The following CYP39A1 variants were observed in gnomAD, a reference collection of about 807,000 sequenced individuals.
CYP39A1 encodes the protein cytochrome P450 family 39 subfamily A member 1.
A neutral mutation model predicts 58.1 loss-of-function variants in CYP39A1; 49 were observed. That is an observed-to-expected ratio of 0.84 (90% confidence interval 0.67 to 1.07). The LOEUF is 1.07. Ranked by LOEUF, CYP39A1 falls within the 50% of genes least tolerant of loss-of-function variation. The pLI is 0.00. For missense variants in CYP39A1, 531 were observed against 539.4 expected, an observed-to-expected ratio of 0.98 and a Z score of 0.16; for synonymous variants, 209 against 187.6, an observed-to-expected ratio of 1.11 and a Z score of -0.93.
At chr6:46,602,716 A>C (rs34782062) in intron 7 of CYP39A1, among the ~76,000 whole-genome samples, 2 of 150,168 alleles carry the variant, frequency 1.3e-5, no homozygotes, top group African/African-American at 4.9e-5. Flanking sequence ...AAAAAAAAGA[A>C]CCACAGTGCT....
intron 7 of CYP39A1, among the ~76,000 whole-genome samples, chr6:46,616,759 G>A (rs1774635699): frequency 6.6e-6 from 1 of 152,140 alleles, no homozygotes; most frequent in South Asian, 2.1e-4. Context: ...AAACAAGGAT[G>A]AAAGGGCAGA....
chr6:46,631,106 T>A (rs1775633257), intron 5 of CYP39A1, 36 bp from the exon 6 acceptor site: 2 of 1,414,426 alleles, frequency 1.4e-6, no homozygotes, highest in Non-Finnish European at 2.0e-6. Flanking sequence ...AAACCATGGC[T>A]ATGTGACAAA....
intron 1 of CYP39A1, among the ~76,000 whole-genome samples, chr6:46,650,298 G>T (rs1762596033): frequency 3.3e-5 from 5 of 151,768 alleles, no homozygotes; most frequent in Admixed American, 3.3e-4. Flanking sequence ...TGGTTAGGGG[G>T]TAGGCTGGTG....
At chr6:46,633,820 G>A (rs962609733) in intron 5 of CYP39A1, among the ~76,000 whole-genome samples, 2 of 151,878 alleles carry the variant, frequency 1.3e-5, no homozygotes, top group African/African-American at 4.8e-5. Context: ...TCACACCACT[G>A]CACTCCAGCC....
At chr6:46,555,606 C>T (rs1485783683) in intron 10 of CYP39A1, among the ~76,000 whole-genome samples, 1 of 152,176 alleles carries the variant, frequency 6.6e-6, no homozygotes, top group Non-Finnish European at 1.5e-5. Context: ...CCTACTATAT[C>T]TTACTATATT....
At chr6:46,595,579 TGAAGGGTAAA>T (rs1456788315) in intron 8 of CYP39A1, among the ~76,000 whole-genome samples, 1 of 151,848 alleles carries the variant, frequency 6.6e-6, no homozygotes, top group Non-Finnish European at 1.5e-5. Context: ...TACCGGGGAT[TGAAGGGTAAA>T]GAAGGGGTGG....
chr6:46,587,460 G>C (rs1772538489), intron 9 of CYP39A1, among the ~76,000 whole-genome samples: 2 of 152,096 alleles, frequency 1.3e-5, no homozygotes, highest in Non-Finnish European at 2.9e-5. Flanking sequence ...AAGGTCTCAG[G>C]CTCCGTCATA....
intron 7 of CYP39A1, among the ~76,000 whole-genome samples, chr6:46,604,091 G>T (rs1773684018): frequency 6.6e-6 from 1 of 152,070 alleles, no homozygotes; most frequent in Non-Finnish European, 1.5e-5. Context: ...CTGAGAGGTA[G>T]TCTATATTTT....
intron 8 of CYP39A1, among the ~76,000 whole-genome samples, 183 bp downstream of exon 8, chr6:46,595,804 T>A (rs1271043724): frequency 1.3e-5 from 2 of 152,096 alleles, no homozygotes; most frequent in East Asian, 1.9e-4. Flanking sequence ...TTAATTAGTT[T>A]GATTTAGCCA....
intron 7 of CYP39A1, among the ~76,000 whole-genome samples, chr6:46,615,797 T>C (rs1774498816): frequency 6.6e-6 from 1 of 151,622 alleles, no homozygotes; most frequent in African/African-American, 2.4e-5. Flanking sequence ...TCTCAAAGAG[T>C]TTTGTGAGCC....
chr6:46,597,699 A>T (rs1322438385), intron 7 of CYP39A1, among the ~76,000 whole-genome samples: 2 of 152,116 alleles, frequency 1.3e-5, no homozygotes, highest in African/African-American at 4.8e-5. Context: ...GGTGAGACAT[A>T]TGTGATGGAA....
At chr6:46,552,020 G>A (rs1297278437) in intron 11 of CYP39A1, among the ~76,000 whole-genome samples, 12 of 151,936 alleles carry the variant, frequency 7.9e-5, no homozygotes. Flanking sequence ...AACATAAATA[G>A]GACATATATA....
chr6:46,617,901 T>A (rs1366268284), intron 7 of CYP39A1, among the ~76,000 whole-genome samples: 1 of 152,140 alleles, frequency 6.6e-6, no homozygotes, highest in Non-Finnish European at 1.5e-5. Flanking sequence ...TAGACATAAA[T>A]AGTCTCATGC....
chr6:46,618,837 C>A (rs997453671), intron 7 of CYP39A1, among the ~76,000 whole-genome samples: 3 of 152,036 alleles, frequency 2.0e-5, no homozygotes, highest in Admixed American at 2.0e-4. Context: ...TCGGGGCAAG[C>A]TAGTTCTTCC....
rs60617647 is a variant in CYP39A1 at position 46,584,498 on chromosome 6, C to A, written c.1250+2579G>T. ...AATCATCTTCCAAATCTGGTAGATT[C>A]TACCACTCCCTGTCTCACACATAGA... is the stretch of plus-strand genomic sequence containing the variant. On this transcript the variant is annotated intron_variant, in intron 10 of 11. Coordinates refer to ENST00000275016, the MANE Select transcript of CYP39A1 (RefSeq NM_016593.5). Among the ~76,000 whole-genome samples, 111 of 152,222 alleles carry A rather than the reference C, an allele frequency of 7.3e-4. No homozygotes were observed. The East Asian group carries it at 0.017, about 24-fold the overall frequency.
chr6:46,647,632 A>G (rs1762406178), intron 1 of CYP39A1, among the ~76,000 whole-genome samples: 1 of 152,232 alleles, frequency 6.6e-6, no homozygotes, highest in Admixed American at 6.5e-5. Context: ...ATATTTTTCC[A>G]ACAATCTACT....
intron 7 of CYP39A1, among the ~76,000 whole-genome samples, chr6:46,606,609 G>T (rs1324415493): frequency 6.6e-6 from 1 of 152,062 alleles, no homozygotes; most frequent in Non-Finnish European, 1.5e-5. Flanking sequence ...TGAGTGATTT[G>T]GGCTAAAATT....
chr6:46,601,500 A>G (rs1773500464), intron 7 of CYP39A1, among the ~76,000 whole-genome samples: 1 of 152,154 alleles, frequency 6.6e-6, no homozygotes, highest in Non-Finnish European at 1.5e-5. Context: ...CCTAGAGGCT[A>G]TGTGACCTTT....
At chr6:46,589,224 C>T (rs747767636) in intron 8 of CYP39A1, among the ~76,000 whole-genome samples, 2 of 151,804 alleles carry the variant, frequency 1.3e-5, no homozygotes, top group African/African-American at 2.4e-5. Context: ...AGGCCTTGGT[C>T]GGAGGATCCT....
Sources: gnomAD v4.1 joint callset for allele counts (sites outside exome capture counted in the v4.1 genomes callset) on GRCh38, gnomAD v4.1.1 for gene constraint, MANE v1.5 for transcripts, NCBI Gene and HGNC (gene_info 2026-07-23, HGNC 2026-07-21) for gene names.